The following A1CF variants were observed in gnomAD, a reference collection of about 807,000 sequenced individuals.
A1CF encodes APOBEC-1 stimulating protein.
In A1CF, 48 loss-of-function variants were observed where a neutral mutation model predicts 68.9. The observed-to-expected ratio is 0.70, with a 90% CI of 0.55 to 0.89. The LOEUF is 0.89. A1CF is among the 40% of genes least tolerant of loss of function. The pLI is 0.00. For missense variants in A1CF, 653 were observed against 718.9 expected, an observed-to-expected ratio of 0.91 and a Z score of 1.05; for synonymous variants, 272 against 260.4, an observed-to-expected ratio of 1.04 and a Z score of -0.43.
intron 11 of A1CF, 32 bp downstream of exon 11, chr10:50,811,007 TA>T (rs775239362): frequency 6.3e-7 from 1 of 1,598,154 alleles, no homozygotes; most frequent in East Asian, 2.2e-5. Context: ...TATCCTGCTC[TA>T]AAATGGTAAG....
intron 6 of A1CF, among the ~76,000 whole-genome samples, chr10:50,832,355 C>A (rs1292235869): frequency 6.6e-6 from 1 of 152,120 alleles, no homozygotes; most frequent in East Asian, 1.9e-4. Context: ...TCGTTACTGA[C>A]CTCTGGACTA....
intron 5 of A1CF, among the ~76,000 whole-genome samples, chr10:50,837,510 TC>T (rs1349206933): frequency 6.6e-6 from 1 of 152,234 alleles, no homozygotes; most frequent in African/African-American, 2.4e-5. Context: ...TTATTACTGC[TC>T]TTTAAAATCT....
At position 50,813,852 on chromosome 10, in the gene A1CF, C is replaced by T. The variant is rs763744768; in HGVS notation, c.1323+5G>A. The stretch of plus-strand genomic sequence containing the variant: ...AGAAACTATTTCTGGAATAACATTA[C>T]CTACCTGGGGAGCGAGTTTAATTCC... On this transcript the variant is annotated splice_donor_5th_base_variant and intron_variant, in intron 10 of 12. Coordinates refer to ENST00000373997, the MANE Select transcript of A1CF (RefSeq NM_014576.4). The T allele has an allele frequency of 6.2e-7, 1 of 1,612,694 alleles. No individual in the cohort carries two copies. The highest frequency in any genetic ancestry group is 2.2e-5 in the East Asian group (1 of 44,838).
At chr10:50,812,895 G>A (rs1308064909) in intron 10 of A1CF, among the ~76,000 whole-genome samples, 2 of 152,138 alleles carry the variant, frequency 1.3e-5, no homozygotes, top group Non-Finnish European at 2.9e-5. Context: ...TTCCCTGGGT[G>A]GGGCTAGCAG....
chr10:50,830,470 C>T (rs937045661), intron 6 of A1CF, among the ~76,000 whole-genome samples: 11 of 152,094 alleles, frequency 7.2e-5, no homozygotes, highest in African/African-American at 2.4e-4. Context: ...ACACTAACAA[C>T]AAGAAATCAA....
In A1CF at chr10:50,809,928, C is replaced by G; in HGVS notation, c.1575G>C (p.Met525Ile). 6.2e-7 allele frequency: 1 copy of G among 1,614,010 alleles called. No homozygotes were observed. The change falls in exon 12 of 13, where the codon ATG (methionine) becomes ATC (isoleucine). Residue 525 changes from methionine to isoleucine, a missense_variant. By Grantham distance (10) the Met-to-Ile change is conservative. Transcript: ENST00000373997. ...CAGTAGCAGCAGCAGCAGCAGTAGC[C>G]ATGGTGCCATCGCCTCCATCAGTGG... ...GIPTDGGDGT[M>I]ATAAAAATAF... is the part of the protein sequence containing the mutation.
In A1CF at chr10:50,816,217, A is replaced by G; in HGVS notation, c.930T>C (p.Val310=). The change falls in exon 9 of 13, where the codon GTT becomes GTC. Residue 310 remains valine (V), a synonymous_variant. Coordinates refer to ENST00000373997, the MANE Select transcript of A1CF (RefSeq NM_014576.4). ...LAKPVDKDSY[V]RYTRGTGGRG... is the part of the protein sequence containing the mutation. ...TTCCACCTGTGCCTCGGGTATACCT[A>G]ACATAACTGTCCTTGTCCACTGGTT... 1.2e-6 allele frequency: 2 copies of G among 1,613,784 alleles called. No individual in the cohort carries two copies. The highest frequency in any genetic ancestry group is 1.7e-6 in the Non-Finnish European group (2 of 1,179,836).
intron 7 of A1CF, among the ~76,000 whole-genome samples, chr10:50,821,197 A>G (rs1351842487): frequency 6.6e-6 from 1 of 152,206 alleles, no homozygotes; most frequent in African/African-American, 2.4e-5. Flanking sequence ...TCCTTATCCA[A>G]TAATCTTTAA....
intron 1 of A1CF, among the ~76,000 whole-genome samples, chr10:50,865,407 C>A (rs1840941500): frequency 1.3e-5 from 2 of 152,162 alleles, no homozygotes; most frequent in South Asian, 2.1e-4. Context: ...AATGAATATG[C>A]CTTTAAAATA....
chr10:50,827,535 T>C (rs1839012612), intron 7 of A1CF, among the ~76,000 whole-genome samples: 1 of 152,188 alleles, frequency 6.6e-6, no homozygotes. Flanking sequence ...GAATGACTAC[T>C]GAGTACACAA....
chr10:50,836,259 A>G lies in A1CF; in HGVS notation c.419T>C (p.Val140Ala), dbSNP rs1839487208. ...CASVDNCRLF[V>A]GGIPKTKKRE... ...CTTTTTGGTTTTTGGGATGCCCCCAACAAATAATCGGCAGTTGTCCACACT... is the reference window on the plus strand; with the variant it reads ...CTTTTTGGTTTTTGGGATGCCCCCAGCAAATAATCGGCAGTTGTCCACACT... Residue 140 changes from valine (V) to alanine (A), a missense_variant, in exon 6 of 13, where the codon GTT becomes GCT. By Grantham distance (64) the Val-to-Ala change is moderately conservative. Coordinates refer to ENST00000373997, the MANE Select transcript of A1CF (RefSeq NM_014576.4). The G allele has an allele frequency of 2.5e-6, 4 of 1,613,880 alleles. 1 individual carries two copies. Among genetic ancestry groups the G allele is most frequent in the Admixed American group, 3.3e-5 (2 of 59,994 alleles).
chr10:50,829,890 T>C (rs1380320897), intron 6 of A1CF, among the ~76,000 whole-genome samples: 1 of 152,242 alleles, frequency 6.6e-6, no homozygotes, highest in Non-Finnish European at 1.5e-5. Flanking sequence ...ATTAAATTTT[T>C]GCATTTTTCC....
chr10:50,828,914 G>T (rs1032683509), intron 6 of A1CF, among the ~76,000 whole-genome samples: 1 of 152,136 alleles, frequency 6.6e-6, no homozygotes, highest in African/African-American at 2.4e-5. Flanking sequence ...GGAATCTGGA[G>T]ACATTTTCAA....
At chr10:50,876,211 T>C (rs1026695512) in intron 1 of A1CF, among the ~76,000 whole-genome samples, 1 of 152,222 alleles carries the variant, frequency 6.6e-6, no homozygotes, top group African/African-American at 2.4e-5. Context: ...TGTGCAGACA[T>C]GAATACGTAT....
intron 1 of A1CF, among the ~76,000 whole-genome samples, chr10:50,869,746 C>G (rs1440659584): frequency 6.6e-6 from 1 of 152,070 alleles, no homozygotes; most frequent in Non-Finnish European, 1.5e-5. Context: ...GGTTACAAAA[C>G]AGAATGTATG....
At chr10:50,822,089 G>A (rs1838704381) in intron 7 of A1CF, among the ~76,000 whole-genome samples, 2 of 152,058 alleles carry the variant, frequency 1.3e-5, no homozygotes, top group Admixed American at 6.5e-5. Context: ...TATTTGCAAA[G>A]TTTATTTATA....
At chr10:50,835,947 G>A in intron 6 of A1CF, 127 bp downstream of exon 6, 1 of 869,072 alleles carries the variant, frequency 1.2e-6, no homozygotes, top group Non-Finnish European at 1.7e-6. Flanking sequence ...AGACAGTGAA[G>A]AAGGATAAAA....
chr10:50,805,500 A>G lies in A1CF; in HGVS notation c.*1229T>C, dbSNP rs1042351282. The G allele has an allele frequency of 1.3e-5, 2 of 152,140 alleles. No individual in the cohort carries two copies. The highest frequency in any genetic ancestry group is 2.1e-4 in the South Asian group (1 of 4,828). The allele number at this position is 152,140 out of a possible 1,614,324, so 9.4% of individuals were successfully genotyped here. On this transcript the variant is annotated 3_prime_UTR_variant, in exon 13 of 13. Transcript: ENST00000373997. ...AGAAGAGGCCTAGGACTCTGGGGGG[A>G]ATTTGGTAAATAACACCCATGCTGA...
chr10:50,835,844 G>T (rs1839462932), intron 6 of A1CF, among the ~76,000 whole-genome samples: 4 of 152,004 alleles, frequency 2.6e-5, no homozygotes, highest in African/African-American at 9.7e-5. Flanking sequence ...TAAAGTTCTG[G>T]GTTTCTTTAG....
Sources: gnomAD v4.1 joint callset for allele counts (sites outside exome capture counted in the v4.1 genomes callset) on GRCh38, gnomAD v4.1.1 for gene constraint, MANE v1.5 for transcripts, NCBI Gene and HGNC (gene_info 2026-07-23, HGNC 2026-07-21) for gene names.